MYO1D: variants seen among roughly 807,000 people sequenced by gnomAD.
MYO1D encodes unconventional myosin-Id.
In MYO1D, 83 loss-of-function variants were observed where a neutral mutation model predicts 122.0. That is an observed-to-expected ratio of 0.68 (90% CI 0.57 to 0.82). The LOEUF is 0.82. Ranked by LOEUF, MYO1D falls within the 40% of genes least tolerant of loss-of-function variation. The probability of loss-of-function intolerance (pLI) is 0.00; values close to 1 mark genes in which losing one functional copy is unlikely to be tolerated. For synonymous variants in MYO1D, 464 were observed against 446.9 expected, an observed-to-expected ratio of 1.04 and a Z score of -0.48; for missense variants, 1,157 against 1,269.5, an observed-to-expected ratio of 0.91 and a Z score of 1.35.
At chr17:32,867,922 AC>A (rs2091143334) in intron 1 of MYO1D, among the ~76,000 whole-genome samples, 2 of 147,394 alleles carry the variant, frequency 1.4e-5, no homozygotes, top group Non-Finnish European at 1.5e-5. Flanking sequence ...TAAAAAAAAA[AC>A]AAAAAAAAAA....
intron 21 of MYO1D, among the ~76,000 whole-genome samples, chr17:32,580,790 T>C (rs1286179055): frequency 6.6e-6 from 1 of 152,230 alleles, no homozygotes; most frequent in African/African-American, 2.4e-5. Flanking sequence ...GGTCACAATG[T>C]ATTATCCTTT....
chr17:32,729,274 G>A (rs1990825), intron 14 of MYO1D, among the ~76,000 whole-genome samples: 21,700 of 152,176 alleles, frequency 0.14, 1,988 homozygotes, highest in Middle Eastern at 0.28. Flanking sequence ...TTTGAACACT[G>A]TCAAATAGTC....
intron 21 of MYO1D, among the ~76,000 whole-genome samples, chr17:32,593,219 A>G (rs934423027): frequency 6.6e-6 from 1 of 152,146 alleles, no homozygotes; most frequent in African/African-American, 2.4e-5. Context: ...CTGGAAAAGG[A>G]GATATAGAGT....
rs1354634396 is a variant in MYO1D, at chr17:32,876,976, C to G, written c.-104G>C. On this transcript the variant is annotated 5_prime_UTR_variant, in exon 1 of 22. Transcript: ENST00000318217. Reference sequence around the variant, plus strand: ...GCCGGGGCGAGGCCGCGCCGCGAGGCTACGGGGAGGGGGCGCGCACGCCGC... The same window carrying G: ...GCCGGGGCGAGGCCGCGCCGCGAGGGTACGGGGAGGGGGCGCGCACGCCGC... The G allele has an allele frequency of 1.7e-6, 1 of 581,064 alleles. No homozygotes were observed. Among genetic ancestry groups the G allele is most frequent in the Non-Finnish European group, 2.4e-6 (1 of 408,164 alleles). The allele number at this position is 581,064 out of a possible 1,614,324, so 36.0% of individuals were successfully genotyped here.
At chr17:32,720,436 T>C (rs1224963556) in intron 15 of MYO1D, among the ~76,000 whole-genome samples, 1 of 152,186 alleles carries the variant, frequency 6.6e-6, no homozygotes, top group Non-Finnish European at 1.5e-5. Flanking sequence ...GAAAAGGGTA[T>C]GTAATTTGTC....
intron 13 of MYO1D, among the ~76,000 whole-genome samples, chr17:32,739,985 C>T (rs1567618802): frequency 6.6e-6 from 1 of 152,186 alleles, no homozygotes; most frequent in Non-Finnish European, 1.5e-5. Context: ...TAACCTGTGG[C>T]TTATGAACCC....
intron 16 of MYO1D, among the ~76,000 whole-genome samples, chr17:32,703,360 C>T (rs574836686): frequency 1.3e-5 from 2 of 152,086 alleles, no homozygotes; most frequent in Admixed American, 6.6e-5. Flanking sequence ...TTAATGGACA[C>T]AAAAGACAAA....
At chr17:32,566,118 G>C (rs1432274023) in intron 21 of MYO1D, among the ~76,000 whole-genome samples, 1 of 152,044 alleles carries the variant, frequency 6.6e-6, no homozygotes, top group East Asian at 1.9e-4. Flanking sequence ...TAGTTCCTGT[G>C]CTTCTAGACG....
rs569604575 is a variant in MYO1D, at chr17:32,721,767, T to C, written c.1747-578A>G. Among the ~76,000 whole-genome samples, 4 of 152,332 alleles carry C rather than the reference T, an allele frequency of 2.6e-5. No individual in the cohort carries two copies. In the South Asian group the frequency reaches 6.2e-4, roughly 24 times the overall value. On this transcript the variant is annotated intron_variant, in intron 14 of 21. Coordinates refer to ENST00000318217, the MANE Select transcript of MYO1D (RefSeq NM_015194.3). ...CCACCTACAGGCATCACTGATTCTA[T>C]GAAGGAGCTCAGCTAGCAATCCTTC...
chr17:32,550,838 A>T (rs1395479187), intron 21 of MYO1D, among the ~76,000 whole-genome samples: 1 of 152,074 alleles, frequency 6.6e-6, no homozygotes, highest in Non-Finnish European at 1.5e-5. Context: ...TTTACAAAAA[A>T]TTTAAAAATT....
chr17:32,516,861 C>A (rs181439046), intron 21 of MYO1D, among the ~76,000 whole-genome samples: 1 of 152,336 alleles, frequency 6.6e-6, no homozygotes, highest in Admixed American at 6.5e-5. Flanking sequence ...ATTAAATAGA[C>A]ACATTTTCCC....
At chr17:32,794,650 CCAATAGAATG>C (rs1458553251) in intron 1 of MYO1D, among the ~76,000 whole-genome samples, 1 of 151,858 alleles carries the variant, frequency 6.6e-6, no homozygotes, top group African/African-American at 2.4e-5. Flanking sequence ...CCAGGGAGAG[CCAATAGAATG>C]CACTGTACTG....
chr17:32,683,956 G>T (rs1252915424), intron 16 of MYO1D, among the ~76,000 whole-genome samples: 1 of 152,184 alleles, frequency 6.6e-6, no homozygotes, highest in East Asian at 1.9e-4. Flanking sequence ...GTGGTGCGCC[G>T]TTTTTTAAGC....
intron 16 of MYO1D, among the ~76,000 whole-genome samples, chr17:32,675,499 G>C (rs553870364): frequency 6.6e-6 from 1 of 151,900 alleles, no homozygotes; most frequent in East Asian, 1.9e-4. Context: ...TTTCTTAATT[G>C]AGTTATATAA....
intron 1 of MYO1D, among the ~76,000 whole-genome samples, chr17:32,798,262 C>T (rs1157492867): frequency 6.6e-6 from 1 of 152,154 alleles, no homozygotes; most frequent in Admixed American, 6.5e-5. Flanking sequence ...AAGGGCCAGA[C>T]ACCTTGTCTG....
intron 16 of MYO1D, among the ~76,000 whole-genome samples, chr17:32,701,295 AC>A (rs540108680): frequency 2.0e-5 from 3 of 152,082 alleles, no homozygotes; most frequent in South Asian, 4.1e-4. Context: ...TCCAACAAAT[AC>A]CCCCTTCCAG....
chr17:32,610,962 T>C (rs1313145476), intron 20 of MYO1D, among the ~76,000 whole-genome samples: 1 of 152,208 alleles, frequency 6.6e-6, no homozygotes, highest in Non-Finnish European at 1.5e-5. Context: ...TATGCTATGA[T>C]AAATCTAAGC....
chr17:32,638,333 C>A (rs1483882477), intron 20 of MYO1D, among the ~76,000 whole-genome samples: 3 of 152,162 alleles, frequency 2.0e-5, no homozygotes, highest in Non-Finnish European at 2.9e-5. Context: ...CTGGAAGCAG[C>A]ATAAATTTTA....
At chr17:32,743,323 T>C (rs776668269) in intron 13 of MYO1D, among the ~76,000 whole-genome samples, 1 of 152,192 alleles carries the variant, frequency 6.6e-6, no homozygotes, top group South Asian at 2.1e-4. Context: ...TTCAGATGCA[T>C]AGTTGCAATT....
Sources: gnomAD v4.1 joint callset for allele counts (sites outside exome capture counted in the v4.1 genomes callset) on GRCh38, gnomAD v4.1.1 for gene constraint, MANE v1.5 for transcripts, NCBI Gene and HGNC (gene_info 2026-07-23, HGNC 2026-07-21) for gene names.